The following SLC16A4 variants were observed in gnomAD, a reference collection of about 807,000 sequenced individuals.
The protein encoded by SLC16A4 is probable monocarboxylate transporter 5.
In SLC16A4, 39 loss-of-function variants were observed where a neutral mutation model predicts 47.9. The observed-to-expected ratio is 0.81, with a 90% CI of 0.63 to 1.06. SLC16A4 has a LOEUF of 1.06. Among genes scored for constraint, SLC16A4 ranks in the 50% least tolerant of loss-of-function variants. SLC16A4 has a pLI of 0.00. For synonymous variants in SLC16A4, 189 were observed against 199.9 expected (o/e 0.95, Z 0.46); for missense variants, 524 against 573.8 (o/e 0.91, Z 0.89).
At chr1:110,377,275 A>G in intron 6 of SLC16A4, 114 bp from the exon 7 acceptor site, 1 of 804,814 alleles carries the variant, frequency 1.2e-6, no homozygotes, top group East Asian at 2.6e-5. Context: ...TATGTGAGGA[A>G]AAAAATGATT....
chr1:110,376,612 T>G (rs932728859), intron 7 of SLC16A4, among the ~76,000 whole-genome samples: 3 of 152,208 alleles, frequency 2.0e-5, no homozygotes, highest in African/African-American at 7.2e-5. Context: ...ATCTTTTCTT[T>G]AAGATTGTGT....
At position 110,388,052 on chromosome 1, in the gene SLC16A4, C is replaced by T. The variant is rs374431377; in HGVS notation, c.87+1185G>A. ...AGGCACCAAGACCTGTGCTACCTTT[C>T]CCCGTGAGCTGCTTACTGTAGGGCT... On this transcript the variant is annotated intron_variant, in intron 2 of 8. Coordinates refer to ENST00000369779, the MANE Select transcript of SLC16A4 (RefSeq NM_004696.3). 6.6e-5 allele frequency among the ~76,000 whole-genome samples: 10 copies of T among 152,258 alleles called. No individual in the cohort carries two copies. The South Asian group carries it at 2.1e-3, about 32-fold the overall frequency.
At chr1:110,380,283 C>G (rs1407063284) in intron 5 of SLC16A4, among the ~76,000 whole-genome samples, 1 of 152,004 alleles carries the variant, frequency 6.6e-6, no homozygotes, top group African/African-American at 2.4e-5. Context: ...GTCAGCTGGT[C>G]CCATTCACCA....
Position 110,363,700 on chromosome 1 carries a change from G to C in SLC16A4, c.*66C>G. The C allele has an allele frequency of 3.0e-6, 4 of 1,348,274 alleles. No homozygotes were observed. The highest frequency in any genetic ancestry group is 3.9e-6 in the Non-Finnish European group (4 of 1,013,688). The allele number at this position is 1,348,274 out of a possible 1,614,324, so 83.5% of individuals were successfully genotyped here. The stretch of plus-strand genomic sequence containing the variant: ...TGCGATGTGTTTCTTTCAAGCTTTT[G>C]TTTCCAATGACATTAGTTTAGGTTT... On this transcript the variant is annotated 3_prime_UTR_variant, in exon 9 of 9. Transcript: ENST00000369779.
intron 2 of SLC16A4, among the ~76,000 whole-genome samples, chr1:110,387,819 T>TA (rs111878697): frequency 1.3e-5 from 2 of 149,116 alleles, no homozygotes; most frequent in African/African-American, 2.5e-5. Flanking sequence ...ATTAGTAACA[T>TA]TTCTAGGGGG....
intron 2 of SLC16A4, among the ~76,000 whole-genome samples, chr1:110,387,251 G>GC (rs985953013): frequency 3.3e-5 from 5 of 152,062 alleles, no homozygotes; most frequent in Non-Finnish European, 5.9e-5. Flanking sequence ...CATAGACCCT[G>GC]CCCCCATGGA....
At chr1:110,363,971 G>A in intron 8 of SLC16A4, 78 bp from the exon 9 acceptor site, 2 of 1,457,926 alleles carry the variant, frequency 1.4e-6, no homozygotes, top group South Asian at 1.4e-5. Flanking sequence ...GCTCCTCAAA[G>A]CAAGGAGCCT....
chr1:110,369,458 G>C (rs1309868632), intron 8 of SLC16A4, among the ~76,000 whole-genome samples: 1 of 152,058 alleles, frequency 6.6e-6, no homozygotes, highest in African/African-American at 2.4e-5. Context: ...AAATTAGCCA[G>C]GCATGGTGGC....
intron 8 of SLC16A4, chr1:110,371,886 G>A (rs192117059): frequency 2.6e-5 from 4 of 152,280 alleles, no homozygotes; most frequent in African/African-American, 4.8e-5. Context: ...GAGGTGTGGG[G>A]ACCGGTAAGT....
At chr1:110,373,726 T>A (rs1340873010) in intron 8 of SLC16A4, among the ~76,000 whole-genome samples, 1 of 150,256 alleles carries the variant, frequency 6.7e-6, no homozygotes, top group Non-Finnish European at 1.5e-5. Flanking sequence ...TCACCCAGGC[T>A]AGAGTGCAGT....
At chr1:110,374,701 AC>A (rs1329690936) in intron 8 of SLC16A4, among the ~76,000 whole-genome samples, 1 of 152,270 alleles carries the variant, frequency 6.6e-6, no homozygotes, top group Non-Finnish European at 1.5e-5. Context: ...AAGTTAACTT[AC>A]ATATCAGAAC....
rs778927415 is a variant in SLC16A4, at chr1:110,379,051, C to T, written c.832G>A (p.Glu278Lys). The T allele has an allele frequency of 4.3e-5, 69 of 1,614,106 alleles. No homozygotes were observed. Among genetic ancestry groups the T allele is most frequent in the Non-Finnish European group, 2.0e-5 (24 of 1,180,046 alleles). The change falls in exon 6 of 9, where the codon GAA becomes AAA. Residue 278 changes from glutamate (E) to lysine (K), a missense_variant. By Grantham distance (56) the Glu-to-Lys change is moderately conservative. Coordinates refer to ENST00000369779, the MANE Select transcript of SLC16A4 (RefSeq NM_004696.3). ...CTCCACGAAATAACCTTATCACTTT[C>T]TTCATCACTCTTTAATAACAGTCTG... ...RNRLLLKSDE[E>K]SDKVISWSCK...
At position 110,376,975 on chromosome 1, in the gene SLC16A4, T is replaced by C. The variant is rs1662041483; in HGVS notation, c.1217A>G (p.Tyr406Cys). ...TICFAIFAGG[Y>C]LALILPVLVD... ...CAGTACAGGCAGTATCAATGCCAGG[T>C]AACCACCAGCAAAGATGGCAAAGCA... The change falls in exon 7 of 9, where the codon TAC becomes TGC. Residue 406 changes from tyrosine to cysteine, a missense_variant. By Grantham distance (194) the Tyr-to-Cys change is radical. Coordinates refer to ENST00000369779, the MANE Select transcript of SLC16A4 (RefSeq NM_004696.3). 1.2e-6 allele frequency: 2 copies of C among 1,613,924 alleles called. No individual in the cohort carries two copies. The highest frequency in any genetic ancestry group is 1.7e-6 in the Non-Finnish European group (2 of 1,179,938).
In SLC16A4 at chr1:110,379,294, G is replaced by C; in HGVS notation, c.589C>G (p.Pro197Ala). Residue 197 changes from proline to alanine, a missense_variant, in exon 6 of 9, where the codon CCC becomes GCC. Physicochemically the swap from Pro to Ala is conservative, Grantham distance 27. Coordinates refer to ENST00000369779, the MANE Select transcript of SLC16A4 (RefSeq NM_004696.3). ...NLVPSSMLLR[P>A]IHIKSENNSG... Reference sequence around the variant, plus strand: ...TTGTTCTCACTTTTGATATGGATGGGTCTTAAGAGCATACTAGAAGGCACC... The same window carrying C: ...TTGTTCTCACTTTTGATATGGATGGCTCTTAAGAGCATACTAGAAGGCACC... 1.9e-6 allele frequency: 3 copies of C among 1,613,300 alleles called. No homozygotes were observed. Among genetic ancestry groups the C allele is most frequent in the Non-Finnish European group, 2.5e-6 (3 of 1,179,364 alleles).
At chr1:110,389,105 C>T in intron 2 of SLC16A4, 132 bp downstream of exon 2, 1 of 836,642 alleles carries the variant, frequency 1.2e-6, no homozygotes, top group African/African-American at 1.7e-5. Context: ...AGCTCCTGGC[C>T]TTGTTCCTGC....
intron 2 of SLC16A4, among the ~76,000 whole-genome samples, chr1:110,387,278 GAC>G (rs139668098): frequency 0.042 from 6,405 of 152,224 alleles, 232 homozygotes; most frequent in East Asian, 0.16. Context: ...AGTCTAGTAA[GAC>G]AGACTGAATA....
chr1:110,379,559 T>C (rs941847408), intron 5 of SLC16A4, among the ~76,000 whole-genome samples: 1 of 150,404 alleles, frequency 6.6e-6, no homozygotes, highest in Non-Finnish European at 1.5e-5. Context: ...ACCAGAAAGC[T>C]GCACCAATAG....
chr1:110,375,355 T>G, intron 8 of SLC16A4, 103 bp downstream of exon 8: 1 of 710,062 alleles, frequency 1.4e-6, no homozygotes. Flanking sequence ...AATAATCTGT[T>G]TCTTTTAACC....
intron 8 of SLC16A4, among the ~76,000 whole-genome samples, chr1:110,368,526 C>T (rs1661515999): frequency 6.6e-6 from 1 of 152,182 alleles, no homozygotes; most frequent in Admixed American, 6.5e-5. Flanking sequence ...TCCTGGGTGG[C>T]ACTCAGTTGA....
Sources: gnomAD v4.1 joint callset for allele counts (sites outside exome capture counted in the v4.1 genomes callset) on GRCh38, gnomAD v4.1.1 for gene constraint, MANE v1.5 for transcripts, NCBI Gene and HGNC (gene_info 2026-07-23, HGNC 2026-07-21) for gene names.